Variants in AFF2 observed in about 807,000 individuals in gnomAD.
AFF2 encodes AF4/FMR2 family member 2.
Under a neutral mutation model 76.9 loss-of-function variants are expected in AFF2, and 14 were observed. The ratio of observed to expected loss-of-function variants is 0.18; its 90% CI spans 0.12 to 0.28. The LOEUF is 0.28. Ranked by LOEUF, AFF2 falls within the 10% of genes least tolerant of loss-of-function variation. AFF2 has a pLI of 1.00. For missense variants in AFF2, 868 were observed against 1,001.1 expected, an observed-to-expected ratio of 0.87 and a Z score of 1.79; for synonymous variants, 398 against 366.7, an observed-to-expected ratio of 1.09 and a Z score of -0.98.
chrX:148,974,551 C>T (rs947178385), intron 16 of AFF2, among the ~76,000 whole-genome samples: 3 of 111,933 alleles, frequency 2.7e-5, no homozygotes, highest in Admixed American at 1.9e-4. Flanking sequence ...ATATTTGTAC[C>T]TAAATCTTCA....
chrX:148,542,990 A>G (rs1363351076), intron 1 of AFF2, among the ~76,000 whole-genome samples: 1 of 111,774 alleles, frequency 8.9e-6, no homozygotes, highest in Non-Finnish European at 1.9e-5. Flanking sequence ...AGTTGGCCTT[A>G]CTGCTTCTGT....
chrX:148,681,669 A>G (rs782426487), intron 3 of AFF2, among the ~76,000 whole-genome samples: 1 of 109,456 alleles, frequency 9.1e-6, no homozygotes, highest in Non-Finnish European at 1.9e-5. Context: ...AGAAAGAGAA[A>G]GAAAGAAAGG....
At chrX:148,957,904 A>G (rs1467291858) in intron 11 of AFF2, among the ~76,000 whole-genome samples, 1 of 112,556 alleles carries the variant, frequency 8.9e-6, no homozygotes, top group Non-Finnish European at 1.9e-5. Context: ...CGTGATGCTC[A>G]TTGTGTAAGC....
At chrX:148,773,104 A>G (rs965890655) in intron 3 of AFF2, among the ~76,000 whole-genome samples, 1 of 111,454 alleles carries the variant, frequency 9.0e-6, no homozygotes. Flanking sequence ...AAATAAAACA[A>G]AAAATATATT....
At chrX:148,550,496 T>TA (rs1557238745) in intron 1 of AFF2, among the ~76,000 whole-genome samples, 1 of 111,467 alleles carries the variant, frequency 9.0e-6, no homozygotes, top group Non-Finnish European at 1.9e-5. Context: ...ATATAGCAAG[T>TA]AAAAAAAGAC....
intron 1 of AFF2, among the ~76,000 whole-genome samples, chrX:148,566,161 A>G (rs1557241616): frequency 9.0e-6 from 1 of 111,054 alleles, no homozygotes; most frequent in Non-Finnish European, 1.9e-5. Flanking sequence ...AAATAAGAAA[A>G]CCAAGACTCA....
intron 3 of AFF2, among the ~76,000 whole-genome samples, chrX:148,721,040 G>A (rs1220054546): frequency 8.9e-6 from 1 of 111,838 alleles, no homozygotes; most frequent in Non-Finnish European, 1.9e-5. Flanking sequence ...TTGATTGAAA[G>A]CCTCCAGGGT....
chrX:148,659,228 A>G (rs1342370037), intron 2 of AFF2, among the ~76,000 whole-genome samples: 1 of 112,469 alleles, frequency 8.9e-6, no homozygotes, highest in Non-Finnish European at 1.9e-5. Flanking sequence ...TCAGAAACCC[A>G]GATCATTATA....
At chrX:148,614,212 A>G (rs2053762069) in intron 1 of AFF2, among the ~76,000 whole-genome samples, 4 of 112,081 alleles carry the variant, frequency 3.6e-5, no homozygotes, top group African/African-American at 1.3e-4. Flanking sequence ...GTGACTGATG[A>G]TAGCTTAATT....
chrX:148,676,646 A>G lies in AFF2; in HGVS notation c.1041+13878A>G, dbSNP rs538352044. ...AAGAATAGCTATCTGAGGTGTTTAG[A>G]AAAGCTTTTTCAAGGAGGTAGTAAC... On this transcript the variant is annotated intron_variant, in intron 3 of 20. Coordinates refer to ENST00000370460, the MANE Select transcript of AFF2 (RefSeq NM_002025.4). Among the ~76,000 whole-genome samples, 59 of 112,165 alleles carry G rather than the reference A, an allele frequency of 5.3e-4. No homozygotes were observed. In the South Asian group the frequency reaches 0.02, roughly 39 times the overall value.
chrX:148,660,659 G>A (rs2054295573), intron 2 of AFF2, among the ~76,000 whole-genome samples: 1 of 111,920 alleles, frequency 8.9e-6, no homozygotes. Flanking sequence ...TGGCTTCTGG[G>A]ACTTGAAGGC....
chrX:148,596,347 G>A (rs1337763084), intron 1 of AFF2, among the ~76,000 whole-genome samples: 4 of 111,884 alleles, frequency 3.6e-5, no homozygotes, highest in Non-Finnish European at 3.8e-5. Context: ...AGCGCCGCCC[G>A]CCTCCAACCA....
chrX:148,960,539 G>A (rs888334783), intron 12 of AFF2, among the ~76,000 whole-genome samples: 1 of 112,460 alleles, frequency 8.9e-6, no homozygotes, highest in Non-Finnish European at 1.9e-5. Context: ...AGTTTTCTCT[G>A]GAAAACTTTC....
At chrX:148,919,909 A>T (rs1314775805) in intron 9 of AFF2, among the ~76,000 whole-genome samples, 3 of 112,629 alleles carry the variant, frequency 2.7e-5, no homozygotes, top group African/African-American at 9.7e-5. Flanking sequence ...GTGCTTGGAC[A>T]CAATCATGCT....
At chrX:148,942,797 T>C (rs1288068713) in intron 9 of AFF2, among the ~76,000 whole-genome samples, 1 of 89,989 alleles carries the variant, frequency 1.1e-5, no homozygotes, top group African/African-American at 4.1e-5. Flanking sequence ...GCCCAGGCGA[T>C]AGTGTGAGAC....
intron 3 of AFF2, among the ~76,000 whole-genome samples, chrX:148,730,015 C>T (rs1448322769): frequency 2.7e-5 from 3 of 111,455 alleles, no homozygotes; most frequent in Non-Finnish European, 5.6e-5. Flanking sequence ...CTGTGGCATG[C>T]AATAATCATT....
At chrX:148,930,887 T>A (rs1294159403) in intron 9 of AFF2, among the ~76,000 whole-genome samples, 1 of 112,153 alleles carries the variant, frequency 8.9e-6, no homozygotes, top group Non-Finnish European at 1.9e-5. Flanking sequence ...TGCAAATGCC[T>A]CTGAGTAATG....
At position 148,581,516 on chromosome X, in the gene AFF2, C is replaced by A. The variant is rs369097527; in HGVS notation, c.48-70483C>A. ...TGTACACACATATATACGTATACGT[C>A]TACGTGTACACACATATATACGTAT... On this transcript the variant is annotated intron_variant, in intron 1 of 20. Coordinates refer to ENST00000370460, the MANE Select transcript of AFF2 (RefSeq NM_002025.4). Among the ~76,000 whole-genome samples the A allele has an allele frequency of 1.4e-4, 10 of 73,490 alleles. 1 individual carries two copies. The highest frequency in any genetic ancestry group is 5.9e-4 in the African/African-American group (9 of 15,199). The allele number at this position is 73,490 out of a possible 115,157, so 63.8% of individuals were successfully genotyped here.
chrX:148,509,170 A>C (rs2052455749), intron 1 of AFF2, among the ~76,000 whole-genome samples: 2 of 112,015 alleles, frequency 1.8e-5, no homozygotes, highest in Non-Finnish European at 3.8e-5. Context: ...AGAATTAGGG[A>C]AATACTATGA....
Sources: allele counts gnomAD v4.1 joint callset (sites outside exome capture counted in the v4.1 genomes callset), GRCh38; gene constraint gnomAD v4.1.1; transcripts MANE v1.5; gene names NCBI Gene and HGNC (gene_info 2026-07-23, HGNC 2026-07-21).